The following ABTB3 variants were observed in gnomAD, a reference collection of about 807,000 sequenced individuals.
ABTB3 encodes the protein ankyrin repeat- and BTB/POZ domain-containing protein 3.
chr12:107,456,218 G>A, the ABTB3 span, among the ~76,000 whole-genome samples: 7 of 152,192 alleles, frequency 4.6e-5, no homozygotes, highest in Non-Finnish European at 8.8e-5. Context: ...TAAGGAAACA[G>A]AAGCACAGAA....
chr12:107,520,135 C>T, the ABTB3 span: 2 of 799,796 alleles, frequency 2.5e-6, no homozygotes, highest in East Asian at 1.3e-4. Flanking sequence ...GTGGGGAGAA[C>T]AAAGGGAGTG....
chr12:107,437,657 C>T, the ABTB3 span, among the ~76,000 whole-genome samples: 2 of 152,174 alleles, frequency 1.3e-5, no homozygotes, highest in African/African-American at 4.8e-5. Context: ...CTGCCTTAGC[C>T]TCCCAAAGTG....
At chr12:107,470,552 G>C in the ABTB3 span, among the ~76,000 whole-genome samples, 1 of 152,202 alleles carries the variant, frequency 6.6e-6, no homozygotes, top group African/African-American at 2.4e-5. Context: ...CACGGTGTGG[G>C]CAGTGCAGCC....
At chr12:107,441,641 A>G in the ABTB3 span, among the ~76,000 whole-genome samples, 7 of 152,130 alleles carry the variant, frequency 4.6e-5, no homozygotes, top group South Asian at 2.1e-4. Flanking sequence ...CTTAAAAAAA[A>G]AAGTTACCTG....
chr12:107,400,288 G>A, the ABTB3 span, among the ~76,000 whole-genome samples: 1 of 151,980 alleles, frequency 6.6e-6, no homozygotes, highest in African/African-American at 2.4e-5. Context: ...ACACTCAAAT[G>A]GGCCCATGAT....
chr12:107,500,289 T>C, the ABTB3 span, among the ~76,000 whole-genome samples: 1 of 152,202 alleles, frequency 6.6e-6, no homozygotes, highest in African/African-American at 2.4e-5. Flanking sequence ...AGCACCCTGC[T>C]GCCCTCTCCC....
At chr12:107,330,793 C>T in the ABTB3 span, among the ~76,000 whole-genome samples, 3 of 152,330 alleles carry the variant, frequency 2.0e-5, no homozygotes, top group Non-Finnish European at 2.9e-5. Context: ...GTAATATCTC[C>T]GGTTTTGCTA....
At chr12:107,354,725 G>A in the ABTB3 span, among the ~76,000 whole-genome samples, 1 of 152,132 alleles carries the variant, frequency 6.6e-6, no homozygotes, top group Non-Finnish European at 1.5e-5. Flanking sequence ...AGCAGTGTAC[G>A]AGAGTTCCAA....
chr12:107,339,999 A>G, the ABTB3 span, among the ~76,000 whole-genome samples: 1 of 151,006 alleles, frequency 6.6e-6, no homozygotes, highest in Non-Finnish European at 1.5e-5. Flanking sequence ...GAGGGCTCTG[A>G]TTTATCTGCT....
At chr12:107,649,355 A>G in the ABTB3 span, 1 of 1,341,798 alleles carries the variant, frequency 7.5e-7, no homozygotes, top group South Asian at 1.2e-5. Context: ...ACCAGCCTGC[A>G]TGGAAGTGTC....
the ABTB3 span, among the ~76,000 whole-genome samples, chr12:107,604,218 G>A: frequency 3.3e-5 from 5 of 152,108 alleles, no homozygotes; most frequent in African/African-American, 1.2e-4. Flanking sequence ...GGAGGCCGAA[G>A]CAGGCAGGTC....
the ABTB3 span, chr12:107,618,500 GC>G: frequency 9.7e-6 from 8 of 825,850 alleles, no homozygotes; most frequent in Non-Finnish European, 1.5e-5. Flanking sequence ...ACACACACGT[GC>G]ACACACACAC....
chr12:107,637,932 A>G, the ABTB3 span, among the ~76,000 whole-genome samples: 102,938 of 151,436 alleles, frequency 0.68, 36,793 homozygotes, highest in East Asian at 0.91. Context: ...ATGGGGGACT[A>G]GCTGGAGATG....
chr12:107,404,162 CAAAAAAAAAAA>C, the ABTB3 span, among the ~76,000 whole-genome samples: 3 of 40,256 alleles, frequency 7.5e-5, no homozygotes, highest in East Asian at 6.5e-4. Context: ...GACTCTAACT[CAAAAAAAAAAA>C]AAAAAAAAAA....
chr12:107,588,946 G>A, the ABTB3 span, among the ~76,000 whole-genome samples: 3 of 152,226 alleles, frequency 2.0e-5, no homozygotes, highest in Non-Finnish European at 2.9e-5. Context: ...AGGAAGCAGA[G>A]CACTGTGGTT....
chr12:107,510,179 C>G, the ABTB3 span, among the ~76,000 whole-genome samples: 1 of 152,184 alleles, frequency 6.6e-6, no homozygotes, highest in Non-Finnish European at 1.5e-5. Flanking sequence ...CAGCTGCTTC[C>G]TTCCCCTTTG....
At chr12:107,457,932 C>T in the ABTB3 span, among the ~76,000 whole-genome samples, 1 of 152,196 alleles carries the variant, frequency 6.6e-6, no homozygotes, top group South Asian at 2.1e-4. Flanking sequence ...CCTCGGGTAG[C>T]TTGCTTGACC....
the ABTB3 span, among the ~76,000 whole-genome samples, chr12:107,399,358 GA>G: frequency 1.3e-5 from 2 of 152,290 alleles, no homozygotes; most frequent in Admixed American, 1.3e-4. Context: ...AGGATCTCGA[GA>G]AGCTCCCCAA....
At chr12:107,355,062 T>C in the ABTB3 span, among the ~76,000 whole-genome samples, 1 of 152,232 alleles carries the variant, frequency 6.6e-6, no homozygotes, top group African/African-American at 2.4e-5. Flanking sequence ...TTATTGCCAG[T>C]AATGTTTGAG....
Sources: gnomAD v4.1 joint callset for allele counts (sites outside exome capture counted in the v4.1 genomes callset) on GRCh38, gnomAD v4.1.1 for gene constraint, MANE v1.5 for transcripts, NCBI Gene and HGNC (gene_info 2026-07-23, HGNC 2026-07-21) for gene names.